Variants in TMPRSS15 observed in about 807,000 individuals in gnomAD.
The protein encoded by TMPRSS15 is enteropeptidase.
Under a neutral mutation model 125.3 loss-of-function variants are expected in TMPRSS15, and 128 were observed. That is an observed-to-expected ratio of 1.02 (90% CI 0.89 to 1.18). TMPRSS15 has a LOEUF of 1.18. Ranked by LOEUF, TMPRSS15 falls within the 50% of genes most tolerant of loss-of-function variation. The pLI, the probability that TMPRSS15 is intolerant of heterozygous loss-of-function variation, is 0.00. For missense variants in TMPRSS15, 1,283 were observed against 1,212.7 expected, an observed-to-expected ratio of 1.06 and a Z score of -0.86; for synonymous variants, 446 against 423.2, an observed-to-expected ratio of 1.05 and a Z score of -0.66.
At chr21:18,462,767 G>T (rs1354522597) in intron 1 of TMPRSS15, among the ~76,000 whole-genome samples, 1 of 151,902 alleles carries the variant, frequency 6.6e-6, no homozygotes, top group Non-Finnish European at 1.5e-5. Context: ...ATTCACCAAG[G>T]TTGAAATGAA....
chr21:18,277,309 TA>T (rs145576456), intron 23 of TMPRSS15, among the ~76,000 whole-genome samples: 3 of 151,940 alleles, frequency 2.0e-5, no homozygotes, highest in Non-Finnish European at 4.4e-5. Flanking sequence ...ACTCAGCTTT[TA>T]AAAAAAATCC....
At chr21:18,303,236 T>C (rs1036152669) in intron 18 of TMPRSS15, among the ~76,000 whole-genome samples, 8 of 152,180 alleles carry the variant, frequency 5.3e-5, no homozygotes, top group African/African-American at 1.9e-4. Context: ...TGTAGTATTC[T>C]ATTAACTTTA....
intron 1 of TMPRSS15, among the ~76,000 whole-genome samples, chr21:18,427,152 C>T (rs546712645): frequency 6.6e-6 from 1 of 152,314 alleles, no homozygotes; most frequent in South Asian, 2.1e-4. Context: ...GGCAGCAGCC[C>T]TCTGAGAACA....
Position 18,396,808 on chromosome 21 carries a change from G to GTCTGTCTGTCTGTCTATCTATCTA in TMPRSS15, c.344+1070_344+1071insTAGATAGATAGACAGACAGACAGA, listed in dbSNP as rs1461927983. 5.6e-3 allele frequency among the ~76,000 whole-genome samples: 599 copies of GTCTGTCTGTCTGTCTATCTATCTA among 107,836 alleles called. 8 individuals are homozygous for GTCTGTCTGTCTGTCTATCTATCTA. The highest frequency in any genetic ancestry group is 0.02 in the Middle Eastern group (4 of 200). The allele number at this position is 107,836 out of a possible 152,430, so 70.7% of individuals were successfully genotyped here. On this transcript the variant is annotated intron_variant, in intron 3 of 24. Coordinates refer to ENST00000284885, the MANE Select transcript of TMPRSS15 (RefSeq NM_002772.3). ...AAAAAAAAAATCTGTCTGTCTGTCT[G>GTCTGTCTGTCTGTCTATCTATCTA]TCTATCTATCTATCTATCTATCTAT...
At chr21:18,482,405 T>TA (rs570388948) in intron 1 of TMPRSS15, among the ~76,000 whole-genome samples, 52 of 151,612 alleles carry the variant, frequency 3.4e-4, no homozygotes, top group African/African-American at 1.2e-3. Flanking sequence ...AACAATATAT[T>TA]ATATATTTTA....
chr21:18,466,688 A>G (rs937249460), intron 1 of TMPRSS15, among the ~76,000 whole-genome samples: 2 of 152,210 alleles, frequency 1.3e-5, no homozygotes, highest in Non-Finnish European at 2.9e-5. Context: ...CACTAGAGAA[A>G]TGCAAATCAA....
At chr21:18,426,837 C>A (rs575508057) in intron 1 of TMPRSS15, among the ~76,000 whole-genome samples, 7 of 152,290 alleles carry the variant, frequency 4.6e-5, no homozygotes, top group Admixed American at 3.9e-4. Flanking sequence ...TCACATATTT[C>A]ATTTCTTCCT....
At chr21:18,476,768 C>T (rs1978886654) in intron 1 of TMPRSS15, among the ~76,000 whole-genome samples, 1 of 152,076 alleles carries the variant, frequency 6.6e-6, no homozygotes, top group South Asian at 2.1e-4. Flanking sequence ...TAGTAGACCA[C>T]TTATAAGGAT....
chr21:18,410,104 A>AC (rs1304552555), intron 1 of TMPRSS15, among the ~76,000 whole-genome samples: 1 of 138,828 alleles, frequency 7.2e-6, no homozygotes, highest in Admixed American at 7.4e-5. Context: ...GAAGAAATTA[A>AC]CCTGGATATG....
chr21:18,430,953 T>A (rs1404324450), intron 1 of TMPRSS15, among the ~76,000 whole-genome samples: 1 of 152,184 alleles, frequency 6.6e-6, no homozygotes, highest in East Asian at 1.9e-4. Context: ...GCAAATGTGC[T>A]CCAAAACTCT....
intron 1 of TMPRSS15, among the ~76,000 whole-genome samples, chr21:18,483,813 G>T (rs1979029666): frequency 6.6e-6 from 1 of 151,648 alleles, no homozygotes; most frequent in African/African-American, 2.4e-5. Context: ...TTTTCACAAG[G>T]TTACTACACC....
chr21:18,322,250 A>G (rs1027428807), intron 16 of TMPRSS15, among the ~76,000 whole-genome samples: 10 of 152,234 alleles, frequency 6.6e-5, no homozygotes. Context: ...GAACATTTAT[A>G]CACCTTTGGT....
intron 1 of TMPRSS15, among the ~76,000 whole-genome samples, chr21:18,419,757 T>C (rs1485969673): frequency 6.6e-6 from 1 of 152,174 alleles, no homozygotes; most frequent in Non-Finnish European, 1.5e-5. Context: ...GTCGTTCCTG[T>C]AGGTGGAAAA....
intron 16 of TMPRSS15, among the ~76,000 whole-genome samples, chr21:18,317,809 C>T (rs28555397): frequency 0.21 from 6,602 of 31,970 alleles, 692 homozygotes; most frequent in Middle Eastern, 0.24. Flanking sequence ...CATCCCATCC[C>T]ATCCCATTCT....
rs765995713 is a variant in TMPRSS15, at chr21:18,440,672, T to C, written c.11-42343A>G. Among the ~76,000 whole-genome samples the C allele has an allele frequency of 1.2e-3, 176 of 152,248 alleles. 2 individuals carry two copies. Among genetic ancestry groups the C allele is most frequent in the Non-Finnish European group, 5.3e-4 (36 of 68,006 alleles). On this transcript the variant is annotated intron_variant, in intron 1 of 7. Transcript: ENST00000422787. ...TTTAAAAAAAATCAGAAAATATTCA[T>C]TGATTTTGTGTACTTTTGAATAATT...
At chr21:18,294,786 T>C in intron 19 of TMPRSS15, 134 bp from the exon 20 acceptor site, 3 of 783,618 alleles carry the variant, frequency 3.8e-6, no homozygotes, top group South Asian at 1.6e-5. Flanking sequence ...GTAGGGAGAC[T>C]GAATTGTAAG....
At chr21:18,451,165 A>G (rs865812379) in intron 1 of TMPRSS15, among the ~76,000 whole-genome samples, 23 of 152,252 alleles carry the variant, frequency 1.5e-4, no homozygotes, top group Middle Eastern at 3.4e-3. Flanking sequence ...GTTCCCTGAA[A>G]GTTTAGATAT....
chr21:18,300,643 C>A (rs186973637), intron 18 of TMPRSS15, among the ~76,000 whole-genome samples: 9 of 152,100 alleles, frequency 5.9e-5, no homozygotes. Context: ...CCACACCTGG[C>A]CAGATACATT....
chr21:18,270,073 CA>C lies in TMPRSS15; in HGVS notation c.2955del (p.Ala986LeufsTer3). 6.2e-7 allele frequency: 1 copy of C among 1,613,986 alleles called. No individual in the cohort carries two copies. Among genetic ancestry groups the C allele is most frequent in the Non-Finnish European group, 8.5e-7 (1 of 1,179,916 alleles). On this transcript the variant is annotated frameshift_variant, in exon 25 of 25. Coordinates refer to ENST00000284885, the MANE Select transcript of TMPRSS15 (RefSeq NM_002772.3). LOFTEE classifies it high-confidence loss of function. ...LMCQENNRWF[L>X]AGVTSFGYKC... ...TTGTATCCAAATGAGGTCACACCAG[CA>C]AGGAACCACCTGTTGTTTTCTTGGC... is the stretch of plus-strand genomic sequence containing the variant.
Sources: allele counts gnomAD v4.1 joint callset (sites outside exome capture counted in the v4.1 genomes callset), GRCh38; gene constraint gnomAD v4.1.1; transcripts MANE v1.5; gene names NCBI Gene and HGNC (gene_info 2026-07-23, HGNC 2026-07-21).